NBEA: variants seen among roughly 807,000 people sequenced by gnomAD.
The protein encoded by NBEA is lysosomal-trafficking regulator 2.
A neutral mutation model predicts 343.4 loss-of-function variants in NBEA; 44 were observed. The observed-to-expected ratio is 0.13, with a 90% CI of 0.10 to 0.16. NBEA has a LOEUF of 0.16. NBEA is among the 10% of genes least tolerant of loss of function. NBEA has a pLI of 1.00. For synonymous variants in NBEA, 1,175 were observed against 1,238.7 expected, an observed-to-expected ratio of 0.95 and a Z score of 1.08; for missense variants, 2,555 against 3,631.3, an observed-to-expected ratio of 0.70 and a Z score of 7.62.
At chr13:35,497,035 G>A (rs1468268273) in intron 41 of NBEA, among the ~76,000 whole-genome samples, 6 of 152,018 alleles carry the variant, frequency 3.9e-5, no homozygotes, top group South Asian at 2.1e-4. Flanking sequence ...TGTGAATTAC[G>A]CAAATAGCTT....
chr13:35,656,226 G>A (rs190049428), intron 55 of NBEA, among the ~76,000 whole-genome samples: 2 of 152,218 alleles, frequency 1.3e-5, no homozygotes, highest in African/African-American at 4.8e-5. Context: ...CTTCACATGA[G>A]GCATTGTGGG....
intron 38 of NBEA, among the ~76,000 whole-genome samples, chr13:35,424,182 CATT>C (rs548270813): frequency 3.0e-4 from 46 of 152,112 alleles, no homozygotes; most frequent in Non-Finnish European, 6.2e-4. Context: ...ACTTCCAACA[CATT>C]GTTGAATAGG....
At chr13:35,218,256 G>T (rs1406519462) in intron 33 of NBEA, among the ~76,000 whole-genome samples, 2 of 151,902 alleles carry the variant, frequency 1.3e-5, no homozygotes, top group Non-Finnish European at 2.9e-5. Context: ...CTTTTTCAAG[G>T]CTACAAATGA....
intron 10 of NBEA, among the ~76,000 whole-genome samples, chr13:35,087,695 A>G (rs560735572): frequency 1.6e-4 from 25 of 152,024 alleles, no homozygotes; most frequent in Admixed American, 1.4e-3. Flanking sequence ...GCCCAAAAGT[A>G]GACATTTATG....
intron 1 of NBEA, among the ~76,000 whole-genome samples, chr13:34,972,299 A>T (rs953485955): frequency 6.6e-6 from 1 of 151,874 alleles, no homozygotes; most frequent in Non-Finnish European, 1.5e-5. Flanking sequence ...TGTTGATCCA[A>T]TGAATCGTTT....
Position 35,607,800 on chromosome 13 carries a change from C to T in NBEA, c.7449+1222C>T, listed in dbSNP as rs78173578. Reference sequence around the variant, plus strand: ...TTAGTCCATTCACAAAGTTGTGCAACCATCACCACAATCAATTTAAGAGCA... The same window carrying T: ...TTAGTCCATTCACAAAGTTGTGCAATCATCACCACAATCAATTTAAGAGCA... On this transcript the variant is annotated intron_variant, in intron 48 of 58. Coordinates refer to ENST00000379939, the MANE Select transcript of NBEA (RefSeq NM_001385012.1). Among the ~76,000 whole-genome samples, 585 of 152,140 alleles carry T rather than the reference C, an allele frequency of 3.8e-3. 1 individual carries two copies. The highest frequency in any genetic ancestry group is 0.013 in the African/African-American group (554 of 41,508).
intron 58 of NBEA, 23 bp downstream of exon 58, chr13:35,668,542 A>G (rs778672084): frequency 1.4e-5 from 22 of 1,558,618 alleles, no homozygotes; most frequent in East Asian, 2.3e-5. Context: ...AAGGACAAGT[A>G]TCATCACTGA....
At chr13:35,142,412 T>A (rs758910847) in intron 18 of NBEA, 35 bp downstream of exon 18, 2 of 1,493,356 alleles carry the variant, frequency 1.3e-6, no homozygotes, top group Non-Finnish European at 1.9e-6. Flanking sequence ...AAGTTTTAAG[T>A]GTATACAGTG....
At chr13:35,221,520 T>G (rs536689147) in intron 33 of NBEA, among the ~76,000 whole-genome samples, 2 of 152,284 alleles carry the variant, frequency 1.3e-5, no homozygotes, top group African/African-American at 2.4e-5. Context: ...TCCTGTCTAC[T>G]TATATTTCTT....
At chr13:35,006,206 T>C (rs927558680) in intron 1 of NBEA, among the ~76,000 whole-genome samples, 4 of 152,122 alleles carry the variant, frequency 2.6e-5, no homozygotes, top group Non-Finnish European at 4.4e-5. Context: ...TCTTTTTTTT[T>C]CCCACTACTT....
chr13:35,403,354 G>T (rs1343838718), intron 38 of NBEA, among the ~76,000 whole-genome samples: 1 of 151,962 alleles, frequency 6.6e-6, no homozygotes, highest in East Asian at 1.9e-4. Context: ...CCGATCTCTT[G>T]TTGCTTACAA....
At chr13:34,974,212 C>T (rs1199599330) in intron 1 of NBEA, among the ~76,000 whole-genome samples, 1 of 152,284 alleles carries the variant, frequency 6.6e-6, no homozygotes, top group Non-Finnish European at 1.5e-5. Flanking sequence ...AGTCCCAATG[C>T]AAGTACCTGG....
intron 38 of NBEA, among the ~76,000 whole-genome samples, chr13:35,424,282 G>A (rs2044499171): frequency 6.6e-6 from 1 of 152,094 alleles, no homozygotes; most frequent in Admixed American, 6.6e-5. Flanking sequence ...TATTGGCTGT[G>A]GGTTTGTCTT....
chr13:35,007,160 C>T (rs909414462), intron 1 of NBEA, among the ~76,000 whole-genome samples: 1 of 151,994 alleles, frequency 6.6e-6, no homozygotes, highest in African/African-American at 2.4e-5. Flanking sequence ...TTTAACTGGC[C>T]TTGAAAATTT....
intron 55 of NBEA, among the ~76,000 whole-genome samples, chr13:35,657,402 A>C (rs1372825903): frequency 4.6e-5 from 7 of 152,258 alleles, no homozygotes. Context: ...CAGTTCAAAT[A>C]ATTAGTTACC....
intron 1 of NBEA, among the ~76,000 whole-genome samples, chr13:35,026,484 A>G (rs1229947938): frequency 1.3e-5 from 2 of 152,044 alleles, no homozygotes; most frequent in African/African-American, 2.4e-5. Flanking sequence ...TTTCAAATGC[A>G]TGGCAATATC....
In NBEA at chr13:35,402,609, T is replaced by C. The variant is rs551206602; in HGVS notation, c.6180-29660T>C. Among the ~76,000 whole-genome samples the C allele has an allele frequency of 2.6e-5, 4 of 152,240 alleles. No homozygotes were observed. The South Asian group carries it at 8.3e-4, about 32-fold the overall frequency. On this transcript the variant is annotated intron_variant, in intron 38 of 58. Transcript: ENST00000379939. ...TCTGAATGGGCACAAAAGTGAAAAC[T>C]TCAGCCAAGTTAAGAGCTTTTGTAA...
intron 36 of NBEA, among the ~76,000 whole-genome samples, chr13:35,340,300 G>T (rs999422670): frequency 2.6e-5 from 4 of 151,920 alleles, no homozygotes; most frequent in African/African-American, 7.3e-5. Context: ...GCCTTAAAAA[G>T]GAATGAAATT....
intron 40 of NBEA, among the ~76,000 whole-genome samples, chr13:35,462,227 T>C (rs2046947564): frequency 1.3e-5 from 2 of 152,152 alleles, no homozygotes; most frequent in African/African-American, 4.8e-5. Context: ...ATCAAAATTC[T>C]GCCCTCCAGG....
Sources: gnomAD v4.1 joint callset for allele counts (sites outside exome capture counted in the v4.1 genomes callset) on GRCh38, gnomAD v4.1.1 for gene constraint, MANE v1.5 for transcripts, NCBI Gene and HGNC (gene_info 2026-07-23, HGNC 2026-07-21) for gene names.